The following FRYL variants were observed in gnomAD, a reference collection of about 807,000 sequenced individuals.
The protein encoded by FRYL is FRY like transcription coactivator.
FRYL carries 150 observed loss-of-function variants against 351.2 expected under a neutral mutation model. The observed-to-expected ratio is 0.43, with a 90% CI of 0.37 to 0.49. The LOEUF (loss-of-function observed/expected upper bound fraction) is 0.49, where lower values mean the gene tolerates loss of function less well. FRYL is among the 20% of genes least tolerant of loss of function. FRYL has a pLI of 0.00. For synonymous variants in FRYL, 1,153 were observed against 1,257.1 expected, an observed-to-expected ratio of 0.92 and a Z score of 1.75; for missense variants, 3,036 against 3,619.3, an observed-to-expected ratio of 0.84 and a Z score of 4.13.
At chr4:48,696,028 T>G (rs1253707438) in intron 2 of FRYL, among the ~76,000 whole-genome samples, 4 of 151,874 alleles carry the variant, frequency 2.6e-5, no homozygotes, top group African/African-American at 9.7e-5. Flanking sequence ...CAAGAAACAA[T>G]AGATGCTGGT....
intron 51 of FRYL, 63 bp from the exon 52 acceptor site, chr4:48,528,108 T>C (rs1726680277): frequency 1.9e-6 from 3 of 1,564,302 alleles, no homozygotes; most frequent in Non-Finnish European, 1.7e-6. Flanking sequence ...ATTCTCAAGT[T>C]TTCATACCTA....
At chr4:48,588,582 A>C (rs1014191648) in intron 18 of FRYL, among the ~76,000 whole-genome samples, 3 of 152,152 alleles carry the variant, frequency 2.0e-5, no homozygotes, top group African/African-American at 7.2e-5. Context: ...GATCTCCTGA[A>C]CTCATGCGTG....
chr4:48,691,991 T>C (rs1765719735), intron 2 of FRYL, among the ~76,000 whole-genome samples: 1 of 152,244 alleles, frequency 6.6e-6, no homozygotes, highest in African/African-American at 2.4e-5. Context: ...TGAGCAACTA[T>C]AATTTAGAAA....
intron 6 of FRYL, among the ~76,000 whole-genome samples, chr4:48,620,179 T>C (rs1158703569): frequency 6.6e-6 from 1 of 152,182 alleles, no homozygotes; most frequent in South Asian, 2.1e-4. Flanking sequence ...CCTGGGAAAT[T>C]TGAAGGAGAA....
intron 1 of FRYL, among the ~76,000 whole-genome samples, chr4:48,762,125 G>A (rs1774479926): frequency 6.6e-6 from 1 of 152,092 alleles, no homozygotes. Context: ...CAACCATGCT[G>A]GCATGCAGAT....
intron 2 of FRYL, among the ~76,000 whole-genome samples, chr4:48,698,449 A>G (rs960196207): frequency 1.3e-5 from 2 of 152,250 alleles, no homozygotes; most frequent in African/African-American, 4.8e-5. Flanking sequence ...ATGCTATCAC[A>G]CACCCTCTGA....
intron 1 of FRYL, among the ~76,000 whole-genome samples, chr4:48,765,783 T>C (rs763765042): frequency 1.3e-5 from 2 of 152,118 alleles, no homozygotes; most frequent in Admixed American, 6.5e-5. Context: ...AAGGAATTCA[T>C]ACAACTCAAT....
In FRYL at chr4:48,725,033, C is replaced by T. The variant is rs191938133; in HGVS notation, c.-383-14335G>A. On this transcript the variant is annotated intron_variant, in intron 1 of 63. Transcript: ENST00000358350. ...CTAAGAATACACATTTGACTTAGCT[C>T]CCTGTTCCATTATCCCTCAAGATGA... Among the ~76,000 whole-genome samples the T allele has an allele frequency of 9.9e-5, 15 of 152,280 alleles. No individual in the cohort carries two copies. The East Asian group carries it at 2.9e-3, about 29-fold the overall frequency.
Position 48,547,664 on chromosome 4 carries a change from A to G in FRYL, c.4994T>C (p.Val1665Ala). The change falls in exon 41 of 64, where the codon GTC (valine) becomes GCC (alanine). Residue 1665 changes from valine to alanine, a missense_variant. Coordinates refer to ENST00000358350, the MANE Select transcript of FRYL (RefSeq NM_015030.2). The part of the protein sequence containing the change: ...PNSNIRTVAS[V>A]LLRNKEFNEP... ...ATTAAACTCCTTGTTCCTGAGAAGG[A>G]CAGAAGCAACAGTTCGGATGTTACT... 6.2e-7 allele frequency: 1 copy of G among 1,608,646 alleles called. No individual in the cohort carries two copies. The highest frequency in any genetic ancestry group is 8.5e-7 in the Non-Finnish European group (1 of 1,176,146).
intron 2 of FRYL, among the ~76,000 whole-genome samples, chr4:48,702,607 C>A (rs1766872786): frequency 6.9e-6 from 1 of 145,154 alleles, no homozygotes; most frequent in Non-Finnish European, 1.5e-5. Context: ...ACTAAAAATA[C>A]AAAAAATTAG....
intron 3 of FRYL, among the ~76,000 whole-genome samples, chr4:48,658,584 C>CAAAAAAAAA (rs11388062): frequency 3.1e-5 from 3 of 95,890 alleles, no homozygotes; most frequent in African/African-American, 4.1e-5. Context: ...CAAAAAAATA[C>CAAAAAAAAA]AAAAAAAAAA....
chr4:48,774,052 A>C (rs1467972041), intron 1 of FRYL, among the ~76,000 whole-genome samples: 1 of 152,232 alleles, frequency 6.6e-6, no homozygotes, highest in Non-Finnish European at 1.5e-5. Flanking sequence ...TGTACATTTA[A>C]TAAAATGTTA....
At position 48,512,476 on chromosome 4, in the gene FRYL, C is replaced by A. The variant is rs772489420; in HGVS notation, c.8145+5G>T. ...ATGAATTCAGAAACCCTGAACCTCA[C>A]TGACCTGAAACAGCCTAGAAAACAC... On this transcript the variant is annotated splice_donor_5th_base_variant and intron_variant, in intron 57 of 63. Coordinates refer to ENST00000358350, the MANE Select transcript of FRYL (RefSeq NM_015030.2). 1 of 1,606,232 alleles carries A rather than the reference C, an allele frequency of 6.2e-7. No individual in the cohort carries two copies. The highest frequency in any genetic ancestry group is 1.1e-5 in the South Asian group (1 of 90,794).
chr4:48,603,723 C>T (rs557056668), intron 11 of FRYL, among the ~76,000 whole-genome samples: 1 of 152,290 alleles, frequency 6.6e-6, no homozygotes, highest in South Asian at 2.1e-4. Context: ...CATCTCTTAA[C>T]AGAAATAGTG....
Position 48,564,963 on chromosome 4 carries a change from C to T in FRYL, c.3411G>A (p.Leu1137=). The T allele has an allele frequency of 1.2e-6, 2 of 1,602,978 alleles. No individual in the cohort carries two copies. Among genetic ancestry groups the T allele is most frequent in the Non-Finnish European group, 1.7e-6 (2 of 1,171,640 alleles). The part of the protein sequence containing the change: ...LSSDGYLYKW[L]DNILDSLDKK... ...TGTCCAGAGAATCCAAAATGTTATCCAACCATTTGTACAAATAGCCATCTG... is the reference window on the plus strand; with the variant it reads ...TGTCCAGAGAATCCAAAATGTTATCTAACCATTTGTACAAATAGCCATCTG... Residue 1137 remains leucine (L), a synonymous_variant, in exon 30 of 64, where the codon TTG becomes TTA. Coordinates refer to ENST00000358350, the MANE Select transcript of FRYL (RefSeq NM_015030.2).
chr4:48,704,163 AG>A (rs1767053747), intron 2 of FRYL, among the ~76,000 whole-genome samples: 1 of 152,214 alleles, frequency 6.6e-6, no homozygotes, highest in Non-Finnish European at 1.5e-5. Context: ...TCTGTTTAAC[AG>A]GAAAAAGAAA....
In FRYL at chr4:48,603,195, A is replaced by G. The variant is rs1746050549; in HGVS notation, c.933+95T>C. 7 of 904,914 alleles carry G rather than the reference A, an allele frequency of 7.7e-6. No homozygotes were observed. The East Asian group carries it at 1.8e-4, about 23-fold the overall frequency. The allele number at this position is 904,914 out of a possible 1,614,324, so 56.1% of individuals were successfully genotyped here. The stretch of plus-strand genomic sequence containing the variant: ...TGCACTTCAGGGATTTTACAATTTC[A>G]GATTTTACCATTCTCTTAAATTTCC... On this transcript the variant is annotated intron_variant, in intron 12 of 63. Coordinates refer to ENST00000358350, the MANE Select transcript of FRYL (RefSeq NM_015030.2).
Position 48,579,192 on chromosome 4 carries a change from T to A in FRYL, c.2309A>T (p.Glu770Val). 6.2e-7 allele frequency: 1 copy of A among 1,613,866 alleles called. No individual in the cohort carries two copies. Among genetic ancestry groups the A allele is most frequent in the Non-Finnish European group, 8.5e-7 (1 of 1,179,812 alleles). The change falls in exon 23 of 64, where the codon GAA becomes GTA. Residue 770 changes from glutamate (E) to valine (V), a missense_variant. Transcript: ENST00000358350. The stretch of plus-strand genomic sequence containing the variant: ...GTGGCTAATAGGAGAAGAGTTCCAT[T>A]CTGCTAAAGTTTGTAAATCTATCGA... ...PSSIDLQTLAEWNSSPISHQF... is the reference protein window; with the variant it reads ...PSSIDLQTLAVWNSSPISHQF...
intron 1 of FRYL, among the ~76,000 whole-genome samples, chr4:48,757,760 AAG>A (rs1246530830): frequency 6.6e-6 from 1 of 152,186 alleles, no homozygotes; most frequent in Non-Finnish European, 1.5e-5. Context: ...GGAACCAAAA[AAG>A]AGCCTGCATC....
Sources: allele counts gnomAD v4.1 joint callset (sites outside exome capture counted in the v4.1 genomes callset), GRCh38; gene constraint gnomAD v4.1.1; transcripts MANE v1.5; gene names NCBI Gene and HGNC (gene_info 2026-07-23, HGNC 2026-07-21).